OPRK1: variants seen among roughly 807,000 people sequenced by gnomAD.
OPRK1 encodes kappa-type opioid receptor.
OPRK1 carries 15 observed loss-of-function variants against 24.5 expected under a neutral mutation model. The observed-to-expected ratio is 0.61, with a 90% CI of 0.41 to 0.94. OPRK1 has a LOEUF of 0.94. OPRK1 is among the 40% of genes least tolerant of loss of function. OPRK1 has a pLI of 0.00. For missense variants in OPRK1, 479 were observed against 507.3 expected (o/e 0.94, Z 0.54); for synonymous variants, 205 against 198.0 (o/e 1.04, Z -0.30).
intron 2 of OPRK1, among the ~76,000 whole-genome samples, chr8:53,247,579 G>C (rs916041692): frequency 7.2e-5 from 11 of 152,132 alleles, no homozygotes; most frequent in Non-Finnish European, 1.3e-4. Flanking sequence ...TGTGATGTCA[G>C]AGGTAGGGCT....
In OPRK1 at chr8:53,251,513, C is replaced by G. The variant is rs1807399301; in HGVS notation, c.-114G>C. ...GGACGCCCTGGTAGGTGCTGAACCGCGCGCTCACGAGTCCCGCTCAGCTCT... is the reference window on the plus strand; with the variant it reads ...GGACGCCCTGGTAGGTGCTGAACCGGGCGCTCACGAGTCCCGCTCAGCTCT... On this transcript the variant is annotated 5_prime_UTR_variant, in exon 1 of 4. Coordinates refer to ENST00000265572, the MANE Select transcript of OPRK1 (RefSeq NM_000912.5). The G allele has an allele frequency of 6.4e-6, 1 of 155,676 alleles. No individual in the cohort carries two copies. Among genetic ancestry groups the G allele is most frequent in the African/African-American group, 2.4e-5 (1 of 41,592 alleles). The allele number at this position is 155,676 out of a possible 1,614,324, so 9.6% of individuals were successfully genotyped here.
Position 53,226,246 on chromosome 8 carries a change from C to T in OPRK1, c.*3051G>A, listed in dbSNP as rs1380829714. Reference sequence around the variant, plus strand: ...TGATGTATTATTTTTGGTATTAAGCCTAGAGTTTTGACTTAAACTCGAAGG... The same window carrying T: ...TGATGTATTATTTTTGGTATTAAGCTTAGAGTTTTGACTTAAACTCGAAGG... On this transcript the variant is annotated 3_prime_UTR_variant, in exon 4 of 4. Transcript: ENST00000265572. The T allele has an allele frequency of 6.6e-6, 1 of 151,844 alleles. No homozygotes were observed. Among genetic ancestry groups the T allele is most frequent in the Admixed American group, 6.6e-5 (1 of 15,246 alleles). The allele number at this position is 151,844 out of a possible 1,614,324, so 9.4% of individuals were successfully genotyped here.
At chr8:53,243,192 C>A (rs1408549740) in intron 2 of OPRK1, among the ~76,000 whole-genome samples, 2 of 152,190 alleles carry the variant, frequency 1.3e-5, no homozygotes, top group Non-Finnish European at 2.9e-5. Flanking sequence ...TGCAGCCATA[C>A]AATTTGAGAT....
intron 2 of OPRK1, among the ~76,000 whole-genome samples, chr8:53,250,313 C>A (rs1431305945): frequency 6.6e-6 from 1 of 152,098 alleles, no homozygotes; most frequent in Non-Finnish European, 1.5e-5. Flanking sequence ...TCTGAGGAGT[C>A]CCAGGAAATT....
rs200397918 is a variant in OPRK1, at chr8:53,229,449, C to A, written c.991G>T (p.Ala331Ser). The A allele has an allele frequency of 6.2e-7, 1 of 1,614,128 alleles. No individual in the cohort carries two copies. Among genetic ancestry groups the A allele is most frequent in the South Asian group, 1.1e-5 (1 of 91,084 alleles). ...CGCTTGAAGTTTTCATCAAGAAAGG[C>A]GTAGAGAATGGGATTCAGGCTACTG... ...TNSSLNPILY[A>S]FLDENFKRCF... The change falls in exon 4 of 4, where the codon GCC (alanine) becomes TCC (serine). Residue 331 changes from alanine (A) to serine (S), a missense_variant. Transcript: ENST00000265572.
intron 3 of OPRK1, among the ~76,000 whole-genome samples, chr8:53,233,954 T>C (rs1193986332): frequency 6.6e-6 from 1 of 151,898 alleles, no homozygotes; most frequent in Non-Finnish European, 1.5e-5. Flanking sequence ...TCCCAGCACT[T>C]TGGGAGGCCG....
At position 53,226,153 on chromosome 8, in the gene OPRK1, T is replaced by C. The variant is rs202205166; in HGVS notation, c.*3144A>G. 5.3e-5 allele frequency: 8 copies of C among 152,196 alleles called. No individual in the cohort carries two copies. The allele number at this position is 152,196 out of a possible 1,614,324, so 9.4% of individuals were successfully genotyped here. The stretch of plus-strand genomic sequence containing the variant: ...TATTTCTTAGTAATATATCACAGAA[T>C]AGAACCATTTTCTTAAGATTTTATG... On this transcript the variant is annotated 3_prime_UTR_variant, in exon 4 of 4. Transcript: ENST00000265572.
At chr8:53,232,082 A>G (rs1008013184) in intron 3 of OPRK1, among the ~76,000 whole-genome samples, 1 of 152,204 alleles carries the variant, frequency 6.6e-6, no homozygotes, top group Non-Finnish European at 1.5e-5. Flanking sequence ...TGAGGCAATC[A>G]TCAAGAATCC....
chr8:53,229,930 T>C, intron 3 of OPRK1, 101 bp from the exon 4 acceptor site: 1 of 1,083,142 alleles, frequency 9.2e-7, no homozygotes, highest in Non-Finnish European at 1.3e-6. Flanking sequence ...TTTATTGCAA[T>C]GGTCCAATTA....
intron 2 of OPRK1, among the ~76,000 whole-genome samples, chr8:53,241,829 G>C (rs1807122424): frequency 6.6e-6 from 1 of 152,212 alleles, no homozygotes; most frequent in South Asian, 2.1e-4. Context: ...TACCCATGCA[G>C]AGTGGCAGCA....
chr8:53,242,217 A>C (rs57161200), intron 2 of OPRK1, among the ~76,000 whole-genome samples: 19,474 of 152,138 alleles, frequency 0.13, 1,496 homozygotes, highest in African/African-American at 0.21. Context: ...GCTGCCCTCT[A>C]CCCATGAAGC....
intron 3 of OPRK1, 129 bp from the exon 4 acceptor site, chr8:53,229,958 C>T (rs1806814465): frequency 3.6e-6 from 3 of 826,524 alleles, no homozygotes; most frequent in South Asian, 4.3e-5. Context: ...ATGACATTAC[C>T]TGAAGTAGAT....
intron 2 of OPRK1, among the ~76,000 whole-genome samples, chr8:53,241,804 C>T (rs146084330): frequency 6.6e-6 from 1 of 152,310 alleles, no homozygotes; most frequent in Non-Finnish European, 1.5e-5. Flanking sequence ...CGCACAGCCC[C>T]GCGCAGGTGC....
At chr8:53,231,409 G>A (rs1806850636) in intron 3 of OPRK1, among the ~76,000 whole-genome samples, 1 of 152,054 alleles carries the variant, frequency 6.6e-6, no homozygotes, top group South Asian at 2.1e-4. Context: ...GTTTTTTTCT[G>A]CTTAGCTTTT....
intron 2 of OPRK1, among the ~76,000 whole-genome samples, chr8:53,243,666 C>G (rs1807166430): frequency 6.6e-6 from 1 of 152,184 alleles, no homozygotes; most frequent in Non-Finnish European, 1.5e-5. Context: ...TTGCAATTCT[C>G]TCTTTCAAAA....
intron 3 of OPRK1, among the ~76,000 whole-genome samples, chr8:53,233,711 G>A (rs944897995): frequency 6.6e-6 from 1 of 152,282 alleles, no homozygotes; most frequent in Admixed American, 6.5e-5. Flanking sequence ...TCCTAGAACA[G>A]TACCTCTCAC....
At chr8:53,237,976 A>G (rs1393278138) in intron 2 of OPRK1, among the ~76,000 whole-genome samples, 1 of 152,192 alleles carries the variant, frequency 6.6e-6, no homozygotes, top group Non-Finnish European at 1.5e-5. Flanking sequence ...CTACAACACT[A>G]GAAGGGGAGA....
intron 2 of OPRK1, among the ~76,000 whole-genome samples, chr8:53,238,359 C>T (rs959524533): frequency 3.3e-5 from 5 of 152,120 alleles, no homozygotes; most frequent in African/African-American, 9.7e-5. Context: ...GCTGGCAGCT[C>T]GTGGCTGCAC....
chr8:53,242,964 C>T, intron 2 of OPRK1: 2 of 1,275,852 alleles, frequency 1.6e-6, no homozygotes, highest in Non-Finnish European at 2.0e-6. Context: ...GTATTATCCC[C>T]ACTCCTAAAA....
Sources: allele counts gnomAD v4.1 joint callset (sites outside exome capture counted in the v4.1 genomes callset), GRCh38; gene constraint gnomAD v4.1.1; transcripts MANE v1.5; gene names NCBI Gene and HGNC (gene_info 2026-07-23, HGNC 2026-07-21).